The following TMEM132D variants were observed in gnomAD, a reference collection of about 807,000 sequenced individuals.
TMEM132D encodes the protein transmembrane protein 132D.
In TMEM132D, 21 loss-of-function variants were observed where a neutral mutation model predicts 62.3. The ratio of observed to expected loss-of-function variants is 0.34; its 90% confidence interval spans 0.24 to 0.49. TMEM132D has a LOEUF of 0.49. Among genes scored for constraint, TMEM132D ranks in the 20% least tolerant of loss-of-function variants. The pLI is 0.99. For synonymous variants in TMEM132D, 621 were observed against 575.6 expected (o/e 1.08, Z -1.13); for missense variants, 1,346 against 1,402.8 (o/e 0.96, Z 0.65).
intron 3 of TMEM132D, among the ~76,000 whole-genome samples, chr12:129,431,824 C>T (rs978476121): frequency 1.3e-5 from 2 of 152,182 alleles, no homozygotes; most frequent in Non-Finnish European, 2.9e-5. Context: ...TCCCCTCATG[C>T]CCTGTTGCTC....
chr12:129,530,368 T>C (rs530767340), intron 3 of TMEM132D, among the ~76,000 whole-genome samples: 86 of 152,198 alleles, frequency 5.7e-4, no homozygotes, highest in Non-Finnish European at 9.6e-4. Context: ...AACATACAGG[T>C]GACAAAAATA....
At chr12:129,177,315 C>A (rs1877933720) in intron 5 of TMEM132D, among the ~76,000 whole-genome samples, 1 of 152,068 alleles carries the variant, frequency 6.6e-6, no homozygotes, top group Admixed American at 6.6e-5. Flanking sequence ...AAACAAAAAC[C>A]CAGCTCCAAT....
At chr12:129,190,560 TTGGGGG>T (rs1878365808) in intron 5 of TMEM132D, among the ~76,000 whole-genome samples, 1 of 117,090 alleles carries the variant, frequency 8.5e-6, no homozygotes, top group African/African-American at 3.3e-5. Flanking sequence ...GGGAGGGGTC[TTGGGGG>T]CCTGCAGATG....
At chr12:129,285,084 A>G (rs1881251970) in intron 4 of TMEM132D, among the ~76,000 whole-genome samples, 1 of 152,244 alleles carries the variant, frequency 6.6e-6, no homozygotes, top group Non-Finnish European at 1.5e-5. Flanking sequence ...AATTATATTT[A>G]CAAAAGCAAT....
chr12:129,236,463 C>T (rs187962393), intron 4 of TMEM132D, among the ~76,000 whole-genome samples: 11 of 134,992 alleles, frequency 8.1e-5, no homozygotes, highest in East Asian at 4.1e-4. Flanking sequence ...TAAGGTGAGC[C>T]GAGATCGCAC....
At chr12:129,229,961 G>C (rs1879591333) in intron 4 of TMEM132D, among the ~76,000 whole-genome samples, 1 of 152,192 alleles carries the variant, frequency 6.6e-6, no homozygotes. Context: ...GCCTTCACCA[G>C]ACAACTTCTT....
At chr12:129,612,990 G>T (rs555834984) in intron 2 of TMEM132D, among the ~76,000 whole-genome samples, 1 of 152,326 alleles carries the variant, frequency 6.6e-6, no homozygotes, top group South Asian at 2.1e-4. Context: ...CTGAATTTCA[G>T]AAATCCCTCT....
At position 129,668,907 on chromosome 12, in the gene TMEM132D, T is replaced by C. The variant is rs141705804; in HGVS notation, c.968+30903A>G. Among the ~76,000 whole-genome samples the C allele has an allele frequency of 5.8e-3, 884 of 152,316 alleles. 24 individuals carry two copies. The highest frequency in any genetic ancestry group is 0.052 in the Admixed American group (800 of 15,298). On this transcript the variant is annotated intron_variant, in intron 2 of 8. Coordinates refer to ENST00000422113, the MANE Select transcript of TMEM132D (RefSeq NM_133448.3). ...TCACTGGGGAATCTGGCCTCATACC[T>C]TGTCCACACAGAGTCCCTGTACAAG...
intron 3 of TMEM132D, among the ~76,000 whole-genome samples, chr12:129,524,925 TTC>T (rs779140264): frequency 0.14 from 13,658 of 98,176 alleles, 1,120 homozygotes; most frequent in Admixed American, 0.27. Context: ...TTTTTCTTTT[TTC>T]TTTTTTTTTT....
intron 5 of TMEM132D, among the ~76,000 whole-genome samples, chr12:129,091,612 C>A (rs1174268037): frequency 1.3e-5 from 2 of 150,152 alleles, no homozygotes; most frequent in Non-Finnish European, 3.0e-5. Context: ...CCCTACCTAT[C>A]CTCACTTGGG....
intron 2 of TMEM132D, among the ~76,000 whole-genome samples, chr12:129,544,297 T>C (rs955135831): frequency 2.0e-5 from 3 of 152,230 alleles, no homozygotes; most frequent in Non-Finnish European, 4.4e-5. Context: ...TATTGTTTAT[T>C]AGGAAATTGA....
intron 3 of TMEM132D, among the ~76,000 whole-genome samples, chr12:129,438,596 T>C (rs1290193426): frequency 6.6e-6 from 1 of 152,186 alleles, no homozygotes; most frequent in Non-Finnish European, 1.5e-5. Flanking sequence ...GAGGTCGGGA[T>C]ACTTCTTTTC....
chr12:129,439,641 G>C (rs1872884503), intron 3 of TMEM132D, among the ~76,000 whole-genome samples: 1 of 152,078 alleles, frequency 6.6e-6, no homozygotes, highest in Non-Finnish European at 1.5e-5. Flanking sequence ...TAGAGACAGG[G>C]TTTCACCATG....
intron 2 of TMEM132D, among the ~76,000 whole-genome samples, chr12:129,619,434 T>A (rs1879005705): frequency 6.6e-6 from 1 of 152,206 alleles, no homozygotes; most frequent in African/African-American, 2.4e-5. Context: ...TCCCTGCCAA[T>A]GAACGACTTA....
At chr12:129,561,816 G>A (rs1306163701) in intron 2 of TMEM132D, among the ~76,000 whole-genome samples, 1 of 152,166 alleles carries the variant, frequency 6.6e-6, no homozygotes, top group East Asian at 1.9e-4. Flanking sequence ...AATCTCAGGA[G>A]GTTTTCAGAA....
chr12:129,868,116 T>C (rs1195491484), intron 1 of TMEM132D, among the ~76,000 whole-genome samples: 1 of 151,928 alleles, frequency 6.6e-6, no homozygotes, highest in Non-Finnish European at 1.5e-5. Context: ...AGCATTTGTA[T>C]GGTACACACA....
intron 3 of TMEM132D, among the ~76,000 whole-genome samples, chr12:129,518,123 A>G (rs998585093): frequency 6.6e-6 from 1 of 152,224 alleles, no homozygotes; most frequent in African/African-American, 2.4e-5. Flanking sequence ...TTCATTTTCT[A>G]ATACCTTGAC....
chr12:129,235,389 G>A (rs771111376), intron 4 of TMEM132D, among the ~76,000 whole-genome samples: 9 of 136,364 alleles, frequency 6.6e-5, no homozygotes, highest in African/African-American at 8.4e-5. Flanking sequence ...CTTTCTCTCA[G>A]CCCCTAATGG....
intron 3 of TMEM132D, among the ~76,000 whole-genome samples, chr12:129,480,898 C>A (rs182814058): frequency 1.5e-4 from 23 of 152,308 alleles, no homozygotes; most frequent in Non-Finnish European, 2.8e-4. Context: ...AGAATTTTCA[C>A]TGCAGCATCG....
Sources: allele counts gnomAD v4.1 joint callset (sites outside exome capture counted in the v4.1 genomes callset), GRCh38; gene constraint gnomAD v4.1.1; transcripts MANE v1.5; gene names NCBI Gene and HGNC (gene_info 2026-07-23, HGNC 2026-07-21).